Variants in PWWP2A observed in about 807,000 individuals in gnomAD.
PWWP2A encodes PWWP domain-containing protein 2A.
PWWP2A carries 18 observed loss-of-function variants against 48.5 expected under a neutral mutation model. That is an observed-to-expected ratio of 0.37 (90% CI 0.26 to 0.55). The LOEUF (loss-of-function observed/expected upper bound fraction) is 0.55, where lower values mean the gene tolerates loss of function less well. PWWP2A is among the 20% of genes least tolerant of loss of function. The pLI is 0.81. For synonymous variants in PWWP2A, 396 were observed against 387.7 expected (o/e 1.02, Z -0.25); for missense variants, 867 against 976.4 (o/e 0.89, Z 1.49).
intron 4 of PWWP2A, chr5:160,065,022 C>A: frequency 1.2e-6 from 2 of 1,613,616 alleles, no homozygotes; most frequent in Non-Finnish European, 1.7e-6. Context: ...TCTACCGGCT[C>A]GTACTCCATC....
At chr5:160,081,786 T>C (rs909640250) in intron 2 of PWWP2A, among the ~76,000 whole-genome samples, 7 of 152,244 alleles carry the variant, frequency 4.6e-5, no homozygotes, top group Admixed American at 1.3e-4. Context: ...ACATATTGGC[T>C]TGTTTGCTTA....
the PWWP2A span, chr5:160,049,697 T>A: frequency 2.0e-6 from 3 of 1,476,632 alleles, no homozygotes; most frequent in Non-Finnish European, 2.7e-6. Context: ...TTTTTCCTTC[T>A]ATTCTTTGTG....
intron 1 of PWWP2A, among the ~76,000 whole-genome samples, chr5:160,101,853 G>C (rs1249729507): frequency 1.3e-5 from 2 of 151,490 alleles, no homozygotes; most frequent in African/African-American, 4.9e-5. Context: ...GCTCATGCCT[G>C]TAATCCCAGC....
chr5:160,052,280 G>T, the PWWP2A span, among the ~76,000 whole-genome samples: 1 of 152,100 alleles, frequency 6.6e-6, no homozygotes, highest in Non-Finnish European at 1.5e-5. Context: ...AAGGTAGGAG[G>T]ATTGCTTGAG....
the PWWP2A span, chr5:160,049,716 C>G: frequency 1.5e-6 from 2 of 1,358,568 alleles, no homozygotes; most frequent in Middle Eastern, 2.7e-4. Context: ...TGTTGCTACC[C>G]AGTGAGTCCT....
At chr5:160,111,108 C>G (rs1757519834) in intron 1 of PWWP2A, among the ~76,000 whole-genome samples, 1 of 152,072 alleles carries the variant, frequency 6.6e-6, no homozygotes, top group African/African-American at 2.4e-5. Context: ...TTACTAGTCA[C>G]TTGAGGCCAG....
intron 1 of PWWP2A, chr5:160,105,663 A>T (rs759240910): frequency 5.1e-6 from 5 of 982,400 alleles, no homozygotes; most frequent in Non-Finnish European, 6.0e-6. Flanking sequence ...CTCATAAGCC[A>T]TCAGCCCCAG....
At position 160,118,793 on chromosome 5, in the gene PWWP2A, C is replaced by A. The variant is rs890295333; in HGVS notation, c.584+12G>T. The A allele has an allele frequency of 3.5e-6, 5 of 1,438,000 alleles. No homozygotes were observed. The highest frequency in any genetic ancestry group is 5.6e-5 in the Admixed American group (2 of 35,998). The allele number at this position is 1,438,000 out of a possible 1,614,324, so 89.1% of individuals were successfully genotyped here. A position where few individuals can be genotyped will look rare whatever the true frequency, so the allele number is the denominator to read the frequency against. ...CCAGCGGACCGGAGGGTGCTGGGGG[C>A]GGGCGCGGTACCTTTTGGACAGATC... On this transcript the variant is annotated intron_variant, in intron 1 of 1. Coordinates refer to ENST00000307063, the MANE Select transcript of PWWP2A (RefSeq NM_001130864.2).
rs1757987065 is a variant in PWWP2A, at chr5:160,115,137, C to CCA, written c.584+3667_584+3668insTG. Among the ~76,000 whole-genome samples the CCA allele has an allele frequency of 3.4e-5, 3 of 88,426 alleles. No homozygotes were observed. In the Admixed American group the frequency reaches 4.2e-4, roughly 12 times the overall value. The allele number at this position is 88,426 out of a possible 152,430, so 58.0% of individuals were successfully genotyped here. A position where few individuals can be genotyped will look rare whatever the true frequency, so the allele number is the denominator to read the frequency against. ...CCTGGGTAACAGAGGGAGACTCTGTCAAAAAAAAAAAAAAAAAAAAAAAAA... is the reference window on the plus strand; with the variant it reads ...CCTGGGTAACAGAGGGAGACTCTGTCCAAAAAAAAAAAAAAAAAAAAAAAAAA... On this transcript the variant is annotated intron_variant, in intron 1 of 1. Transcript: ENST00000307063.
chr5:160,089,725 A>G (rs1473052883), downstream of PWWP2A: 3 of 1,238,656 alleles, frequency 2.4e-6, no homozygotes, highest in Non-Finnish European at 3.1e-6. Flanking sequence ...CCCCTGGCCA[A>G]TCCTTTGTTT....
rs779037740 is a variant in PWWP2A, at chr5:160,119,024, TC to T, written c.364del (p.Glu122SerfsTer18). The T allele has an allele frequency of 6.3e-7, 1 of 1,598,458 alleles. No individual in the cohort carries two copies. The highest frequency in any genetic ancestry group is 8.5e-7 in the Non-Finnish European group (1 of 1,176,316). On this transcript the variant is annotated frameshift_variant, in exon 1 of 2. Transcript: ENST00000307063. LOFTEE classifies it high-confidence loss of function. ...ELPPSPASPPEQPPAPEEREE... is the reference protein window; with the variant it reads ...ELPPSPASPPXQPPAPEEREE... The stretch of plus-strand genomic sequence containing the variant: ...GCGCTCCTCGGGAGCCGGGGGCTGC[TC>T]CGGCGGCGATGCAGGAGAAGGTGGA...
the PWWP2A span, chr5:160,051,157 A>T: frequency 6.2e-7 from 1 of 1,610,296 alleles, no homozygotes; most frequent in Non-Finnish European, 8.5e-7. Flanking sequence ...GAAGAACGTA[A>T]TGAAAGACTA....
At chr5:160,101,974 G>A (rs1298083321) in intron 1 of PWWP2A, among the ~76,000 whole-genome samples, 1 of 151,830 alleles carries the variant, frequency 6.6e-6, no homozygotes, top group Admixed American at 6.6e-5. Flanking sequence ...GCCGGGCGTG[G>A]TGGCATGCGC....
At position 160,118,336 on chromosome 5, in the gene PWWP2A, C is replaced by T. The variant is rs187570057; in HGVS notation, c.584+469G>A. On this transcript the variant is annotated intron_variant, in intron 1 of 1. Transcript: ENST00000307063. ...AGTGACAGGTAACCTTTTGGGAACC[C>T]CAATGTACACACCCCTTTCTCCAAT... Among the ~76,000 whole-genome samples the T allele has an allele frequency of 2.6e-3, 400 of 152,264 alleles. 3 individuals carry two copies. The highest frequency in any genetic ancestry group is 0.01 in the Middle Eastern group (3 of 294).
At chr5:160,060,452 G>GA (rs1045066855), downstream of PWWP2A, among the ~76,000 whole-genome samples, 2 of 152,174 alleles carry the variant, frequency 1.3e-5, no homozygotes, top group African/African-American at 4.8e-5. Context: ...TTTGCCATGG[G>GA]ATCTAGTCTG....
chr5:160,117,899 G>A (rs747685405), intron 1 of PWWP2A: 4 of 983,396 alleles, frequency 4.1e-6, no homozygotes, highest in Non-Finnish European at 4.8e-6. Flanking sequence ...ATGGAAAGCC[G>A]TGAATGGGAG....
chr5:160,085,820 C>CTT lies in PWWP2A; in HGVS notation c.1550-5052_1550-5051dup, dbSNP rs200535434. On this transcript the variant is annotated intron_variant, in intron 2 of 3. Coordinates refer to the PWWP2A transcript ENST00000456329. ...ACGCCCGGCTGTCACATGTCATATTCTTTTTTTTTTTGTTTTGAGATGGAG... is the reference window on the plus strand; with the variant it reads ...ACGCCCGGCTGTCACATGTCATATTCTTTTTTTTTTTTTGTTTTGAGATGGAG... 4.3e-4 allele frequency among the ~76,000 whole-genome samples: 51 copies of CTT among 119,162 alleles called. No individual in the cohort carries two copies. The East Asian group carries it at 8.3e-3, about 19-fold the overall frequency. 78.2% of individuals were successfully genotyped at this position (119,162 alleles called of 152,430 possible). A position where few individuals can be genotyped will look rare whatever the true frequency, so the allele number is the denominator to read the frequency against.
At chr5:160,074,064 CAAAAAA>C (rs57010218), downstream of PWWP2A, among the ~76,000 whole-genome samples, 1 of 71,628 alleles carries the variant, frequency 1.4e-5, no homozygotes, top group Non-Finnish European at 3.0e-5. Context: ...GACTCCGTTT[CAAAAAA>C]AAAAAAAAAA....
Position 160,092,725 on chromosome 5 carries a change from A to G in PWWP2A, c.1925T>C (p.Val642Ala). The G allele has an allele frequency of 1.3e-6, 2 of 1,551,554 alleles. No homozygotes were observed. The highest frequency in any genetic ancestry group is 1.7e-6 in the Non-Finnish European group (2 of 1,146,966). The change falls in exon 2 of 2, where the codon GTC becomes GCC. Residue 642 changes from valine to alanine, a missense_variant. By Grantham distance (64) the Val-to-Ala change is moderately conservative. Transcript: ENST00000307063. ...GCCATCTGGTGTGACGCATTTAGAG[A>G]CGTTTTTGGAAAAGACTTTCATTTT... is the stretch of plus-strand genomic sequence containing the variant. ...SLKMKVFSKN[V>A]SKCVTPDGRT...
Sources: gnomAD v4.1 joint callset for allele counts (sites outside exome capture counted in the v4.1 genomes callset) on GRCh38, gnomAD v4.1.1 for gene constraint, MANE v1.5 for transcripts, NCBI Gene and HGNC (gene_info 2026-07-23, HGNC 2026-07-21) for gene names.